Variants in MCTP2 observed in about 807,000 individuals in gnomAD.
The protein encoded by MCTP2 is multiple C2 and transmembrane domain containing 2.
A neutral mutation model predicts 111.6 loss-of-function variants in MCTP2; 132 were observed. That is an observed-to-expected ratio of 1.18 (90% CI 1.03 to 1.37). The LOEUF is 1.37. Ranked by LOEUF, MCTP2 falls within the 40% of genes most tolerant of loss-of-function variation. The pLI, the probability that MCTP2 is intolerant of heterozygous loss-of-function variation, is 0.00. For synonymous variants in MCTP2, 395 were observed against 387.7 expected (o/e 1.02, Z -0.22); for missense variants, 1,183 against 1,067.9 (o/e 1.11, Z -1.50).
chr15:94,480,425 T>A lies in MCTP2; in HGVS notation c.*1391T>A, dbSNP rs1281346582. On this transcript the variant is annotated 3_prime_UTR_variant, in exon 23 of 23. Coordinates refer to ENST00000357742, the MANE Select transcript of MCTP2 (RefSeq NM_001385001.1). ...TCTTATCATCCCGTGTCTGTTTTTC[T>A]TCATGTTGTATCTCACTGGGTTGCT... 1 of 152,234 alleles carries A rather than the reference T, an allele frequency of 6.6e-6. No individual in the cohort carries two copies. The highest frequency in any genetic ancestry group is 1.5e-5 in the Non-Finnish European group (1 of 68,034). 9.4% of individuals were successfully genotyped at this position (152,234 alleles called of 1,614,324 possible). A position where few individuals can be genotyped will look rare whatever the true frequency, so the allele number is the denominator to read the frequency against.
chr15:94,323,011 TG>T (rs1326463444), intron 4 of MCTP2, among the ~76,000 whole-genome samples: 2 of 152,196 alleles, frequency 1.3e-5, no homozygotes, highest in Non-Finnish European at 2.9e-5. Flanking sequence ...AGCGAGAGGC[TG>T]GGAAATAGGC....
At chr15:94,371,774 C>T (rs763807285) in intron 12 of MCTP2, among the ~76,000 whole-genome samples, 7 of 152,122 alleles carry the variant, frequency 4.6e-5, no homozygotes, top group Non-Finnish European at 1.0e-4. Context: ...CTGCAACCTC[C>T]GCCTACTGGC....
At chr15:94,383,930 G>T in intron 12 of MCTP2, 92 bp from the exon 13 acceptor site, 1 of 929,282 alleles carries the variant, frequency 1.1e-6, no homozygotes, top group Non-Finnish European at 1.7e-6. Flanking sequence ...CCCTCTTTCA[G>T]CAAGCACAAC....
At chr15:94,382,702 T>G (rs1057500214) in intron 12 of MCTP2, among the ~76,000 whole-genome samples, 6 of 152,260 alleles carry the variant, frequency 3.9e-5, no homozygotes, top group African/African-American at 9.6e-5. Flanking sequence ...TCAAGAGGCC[T>G]GAGCACTCTC....
At chr15:94,302,382 A>G (rs2075659078) in intron 2 of MCTP2, among the ~76,000 whole-genome samples, 1 of 152,208 alleles carries the variant, frequency 6.6e-6, no homozygotes, top group Admixed American at 6.5e-5. Context: ...GTGAAATGTT[A>G]GTCTACTGTT....
chr15:94,423,518 T>TCAAA (rs780670848), intron 17 of MCTP2, among the ~76,000 whole-genome samples: 3 of 152,152 alleles, frequency 2.0e-5, no homozygotes, highest in Non-Finnish European at 4.4e-5. Flanking sequence ...TCCCCCAAAG[T>TCAAA]CAAACAGTAA....
rs188726800 is a variant in MCTP2, at chr15:94,364,938, G to T, written c.1302-2667G>T. ...ATGAAATACATTTTTTCTGTCTCCC[G>T]TCTTTCCTCCTTCTTCCAGAATGTG... On this transcript the variant is annotated intron_variant, in intron 10 of 22. Transcript: ENST00000357742. 6.9e-4 allele frequency among the ~76,000 whole-genome samples: 105 copies of T among 152,268 alleles called. 2 individuals carry two copies. In the South Asian group the frequency reaches 8.1e-3, roughly 12 times the overall value.
intron 19 of MCTP2, 80 bp downstream of exon 19, chr15:94,443,040 C>T (rs2083875163): frequency 1.0e-6 from 1 of 991,088 alleles, no homozygotes; most frequent in Non-Finnish European, 1.4e-6. Flanking sequence ...TTGAGTCTCT[C>T]TCCTCTCTTT....
At chr15:94,246,811 C>G (rs889679444) in intron 1 of MCTP2, among the ~76,000 whole-genome samples, 1 of 152,136 alleles carries the variant, frequency 6.6e-6, no homozygotes, top group African/African-American at 2.4e-5. Flanking sequence ...TTGATGGAAT[C>G]CAAGTGGTGG....
chr15:94,243,995 A>G (rs559405897), intron 1 of MCTP2, among the ~76,000 whole-genome samples: 116 of 147,364 alleles, frequency 7.9e-4, no homozygotes, highest in Non-Finnish European at 5.4e-4. Context: ...ATATGTGTAT[A>G]TATTTATGCA....
intron 1 of MCTP2, among the ~76,000 whole-genome samples, chr15:94,288,991 A>T (rs1253653548): frequency 6.6e-6 from 1 of 152,232 alleles, no homozygotes; most frequent in African/African-American, 2.4e-5. Context: ...AAAGAAGAAG[A>T]TTGAAAAATA....
intron 12 of MCTP2, among the ~76,000 whole-genome samples, chr15:94,382,312 G>C (rs2080183677): frequency 6.6e-6 from 1 of 152,202 alleles, no homozygotes; most frequent in African/African-American, 2.4e-5. Context: ...TCTGAATGCT[G>C]TTTGATATTA....
chr15:94,281,924 A>T (rs971257674), intron 1 of MCTP2, among the ~76,000 whole-genome samples: 2 of 151,896 alleles, frequency 1.3e-5, no homozygotes, highest in Non-Finnish European at 2.9e-5. Flanking sequence ...GCCTGATGGG[A>T]TTCCCTTTGT....
chr15:94,367,179 C>CT (rs60889070), intron 10 of MCTP2, among the ~76,000 whole-genome samples: 33,718 of 151,616 alleles, frequency 0.22, 3,971 homozygotes, highest in Admixed American at 0.27. Flanking sequence ...TTTCTCTTAT[C>CT]TTTTTTTTTC....
At chr15:94,418,118 G>A (rs1273011433) in intron 17 of MCTP2, among the ~76,000 whole-genome samples, 1 of 152,068 alleles carries the variant, frequency 6.6e-6, no homozygotes, top group Admixed American at 6.6e-5. Flanking sequence ...AGTCATGAAG[G>A]AGTAAGTCGT....
intron 1 of MCTP2, among the ~76,000 whole-genome samples, chr15:94,240,202 G>A (rs1367993195): frequency 1.3e-5 from 2 of 152,018 alleles, no homozygotes; most frequent in East Asian, 3.9e-4. Context: ...CTCAGTGGTA[G>A]CATTATCTTA....
At chr15:94,318,305 A>G (rs2076469172) in intron 4 of MCTP2, among the ~76,000 whole-genome samples, 1 of 137,622 alleles carries the variant, frequency 7.3e-6, no homozygotes. Flanking sequence ...TTTTTTTGAG[A>G]CGGAGTCTAG....
chr15:94,382,719 A>G (rs990173008), intron 12 of MCTP2, among the ~76,000 whole-genome samples: 1 of 152,264 alleles, frequency 6.6e-6, no homozygotes, highest in African/African-American at 2.4e-5. Context: ...TCTCTGGCTT[A>G]GGCCCTGGCC....
At chr15:94,290,277 T>A (rs1249442401) in intron 1 of MCTP2, among the ~76,000 whole-genome samples, 1 of 152,188 alleles carries the variant, frequency 6.6e-6, no homozygotes, top group Non-Finnish European at 1.5e-5. Flanking sequence ...CATTATTTGT[T>A]ATGGGAGCAA....
Sources: gnomAD v4.1 joint callset for allele counts (sites outside exome capture counted in the v4.1 genomes callset) on GRCh38, gnomAD v4.1.1 for gene constraint, MANE v1.5 for transcripts, NCBI Gene and HGNC (gene_info 2026-07-23, HGNC 2026-07-21) for gene names.